Variants in KIAA1755 observed in about 807,000 individuals in gnomAD.
KIAA1755 encodes KIAA1755, also known as uncharacterized protein KIAA1755.
In KIAA1755, 68 loss-of-function variants were observed where a neutral mutation model predicts 91.7. That is an observed-to-expected ratio of 0.74 (90% confidence interval 0.61 to 0.91). The LOEUF is 0.91. Among genes scored for constraint, KIAA1755 ranks in the 40% least tolerant of loss-of-function variants. The pLI, the probability that KIAA1755 is intolerant of heterozygous loss-of-function variation, is 0.00. For synonymous variants in KIAA1755, 610 were observed against 604.6 expected, an observed-to-expected ratio of 1.01 and a Z score of -0.13; for missense variants, 1,535 against 1,494.4, an observed-to-expected ratio of 1.03 and a Z score of -0.45.
chr20:38,248,694 T>A lies in KIAA1755; in HGVS notation c.4-2568A>T, dbSNP rs1254577728. Among the ~76,000 whole-genome samples, 15 of 150,058 alleles carry A rather than the reference T, an allele frequency of 1.0e-4. No homozygotes were observed. The East Asian group carries it at 2.9e-3, about 29-fold the overall frequency. On this transcript the variant is annotated intron_variant, in intron 1 of 13. Transcript: ENST00000279024. ...TCTTGTCTTCTCTTTATTATTATTA[T>A]TATTATTATTATTATTATTTTTGAG... is the stretch of plus-strand genomic sequence containing the variant.
intron 11 of KIAA1755, among the ~76,000 whole-genome samples, chr20:38,219,031 T>C (rs1328610980): frequency 2.6e-5 from 4 of 152,150 alleles, no homozygotes; most frequent in Admixed American, 6.5e-5. Flanking sequence ...CGTACTGATA[T>C]TACCCCCCAT....
Position 38,241,916 on chromosome 20 carries a change from T to C in KIAA1755, c.215A>G (p.His72Arg), listed in dbSNP as rs1600634839. 6.2e-7 allele frequency: 1 copy of C among 1,612,614 alleles called. No individual in the cohort carries two copies. Among genetic ancestry groups the C allele is most frequent in the Non-Finnish European group, 8.5e-7 (1 of 1,179,532 alleles). Residue 72 changes from histidine (H) to arginine (R), a missense_variant, in exon 3 of 14, where the codon CAC (histidine) becomes CGC (arginine). Physicochemically the swap from His to Arg is conservative, Grantham distance 29. Coordinates refer to ENST00000279024, the MANE Select transcript of KIAA1755 (RefSeq NM_001029864.2). ...VREAACAPYS[H>R]CLFLHEGWPL... The stretch of plus-strand genomic sequence containing the variant: ...CCAGCCCTCGTGTAAGAAGAGGCAG[T>C]GTGAGTAGGGAGCCTGTGGAGAGAA...
At chr20:38,246,498 T>C (rs538136162) in intron 1 of KIAA1755, among the ~76,000 whole-genome samples, 12 of 152,244 alleles carry the variant, frequency 7.9e-5, no homozygotes, top group African/African-American at 2.9e-4. Flanking sequence ...GGAAAGAGGA[T>C]TTTGGCATTG....
chr20:38,238,621 C>T (rs2075999765), intron 4 of KIAA1755, among the ~76,000 whole-genome samples: 1 of 152,170 alleles, frequency 6.6e-6, no homozygotes, highest in African/African-American at 2.4e-5. Flanking sequence ...AACTGTCACA[C>T]TTTGTTTACA....
chr20:38,222,747 TC>T (rs1277975549), intron 9 of KIAA1755, 150 bp from the exon 10 acceptor site: 3 of 801,102 alleles, frequency 3.7e-6, no homozygotes, highest in Non-Finnish European at 6.1e-6. Flanking sequence ...AAACATCCCC[TC>T]TAGCCATGTC....
At position 38,211,213 on chromosome 20, in the gene KIAA1755, T is replaced by TA. The variant is rs2075447729; in HGVS notation, c.*1828_*1829insT. On this transcript the variant is annotated 3_prime_UTR_variant, in exon 14 of 14. Transcript: ENST00000279024. The stretch of plus-strand genomic sequence containing the variant: ...TCCTGAAGCCATTTTAGGTATCAAG[T>TA]GTGTGACTCTTGGCTGAGACAGCTC... 1.3e-5 allele frequency: 2 copies of TA among 152,262 alleles called. No individual in the cohort carries two copies. Among genetic ancestry groups the TA allele is most frequent in the African/African-American group, 4.8e-5 (2 of 41,444 alleles). The allele number at this position is 152,262 out of a possible 1,614,324, so 9.4% of individuals were successfully genotyped here.
intron 5 of KIAA1755, 50 bp downstream of exon 5, chr20:38,231,152 C>A (rs1234495001): frequency 1.9e-6 from 3 of 1,571,776 alleles, no homozygotes; most frequent in Middle Eastern, 1.8e-4. Flanking sequence ...GGCTCTGGGC[C>A]CAGAGGGTTG....
intron 1 of KIAA1755, among the ~76,000 whole-genome samples, chr20:38,249,710 G>C (rs2076214459): frequency 6.9e-6 from 1 of 144,038 alleles, no homozygotes; most frequent in Non-Finnish European, 1.5e-5. Context: ...CATGTACCCA[G>C]GAGGTTTTAC....
At chr20:38,228,050 G>T in intron 6 of KIAA1755, 97 bp downstream of exon 6, 1 of 794,148 alleles carries the variant, frequency 1.3e-6, no homozygotes. Context: ...TGAGAGTCCT[G>T]GTCCCAGCCT....
At chr20:38,257,481 T>A (rs2076358138) in intron 1 of KIAA1755, among the ~76,000 whole-genome samples, 1 of 150,764 alleles carries the variant, frequency 6.6e-6, no homozygotes, top group African/African-American at 2.4e-5. Flanking sequence ...CGCAGGAGGC[T>A]GAGGCATGAG....
At chr20:38,213,855 C>T (rs2075497881) in intron 13 of KIAA1755, 112 bp from the exon 14 acceptor site, 2 of 700,474 alleles carry the variant, frequency 2.9e-6, no homozygotes, top group Non-Finnish European at 4.5e-6. Flanking sequence ...CCATGATCTT[C>T]TCCACTGACC....
At chr20:38,227,082 C>A in intron 7 of KIAA1755, 72 bp downstream of exon 7, 2 of 1,138,560 alleles carry the variant, frequency 1.8e-6, no homozygotes, top group Admixed American at 2.1e-5. Context: ...GCAGTTCTCC[C>A]TCTCCTTAAC....
At chr20:38,252,204 G>A (rs2076262438) in intron 1 of KIAA1755, among the ~76,000 whole-genome samples, 1 of 152,154 alleles carries the variant, frequency 6.6e-6, no homozygotes, top group Admixed American at 6.5e-5. Flanking sequence ...ACAGGGTCTT[G>A]GGGAAAGTCA....
intron 9 of KIAA1755, 173 bp from the exon 10 acceptor site, chr20:38,222,770 C>A: frequency 1.5e-6 from 1 of 687,406 alleles, no homozygotes; most frequent in South Asian, 1.7e-5. Context: ...CCTCTCGTCA[C>A]CACGGCAACC....
rs1322594875 is a variant in KIAA1755 at position 38,225,720 on chromosome 20, G to A, written c.2114C>T (p.Ala705Val). The change falls in exon 8 of 14, where the codon GCA becomes GTA. Residue 705 changes from alanine to valine, a missense_variant. Transcript: ENST00000279024. ...GTAGGGGAAGGGGCCTTCCAGGACT[G>A]CGGGCAGCTGGCTGGGGTCCACATG... The part of the protein sequence containing the change: ...SHHVDPSQLP[A>V]VLEGPFPYCH... The A allele has an allele frequency of 6.2e-7, 1 of 1,611,032 alleles. No individual in the cohort carries two copies. The highest frequency in any genetic ancestry group is 8.5e-7 in the Non-Finnish European group (1 of 1,178,706).
rs769758947 is a variant in KIAA1755, at chr20:38,213,363, T to A, written c.3282A>T (p.Pro1094=). The part of the protein sequence containing the change: ...VTSKGRWDQP[P]LDSLGMDHLP... ...AATGGTCCATGCCCAGTGAGTCTAGTGGAGGCTGATCCCACCTCCCCTTGG... is the reference window on the plus strand; with the variant it reads ...AATGGTCCATGCCCAGTGAGTCTAGAGGAGGCTGATCCCACCTCCCCTTGG... Residue 1094 remains proline (P), a synonymous_variant, in exon 14 of 14, where the codon CCA becomes CCT. Coordinates refer to ENST00000279024, the MANE Select transcript of KIAA1755 (RefSeq NM_001029864.2). 3.1e-6 allele frequency: 5 copies of A among 1,606,908 alleles called. No homozygotes were observed. The highest frequency in any genetic ancestry group is 4.3e-6 in the Non-Finnish European group (5 of 1,176,436).
intron 1 of KIAA1755, among the ~76,000 whole-genome samples, chr20:38,254,276 G>A (rs1316841705): frequency 6.6e-6 from 1 of 152,100 alleles, no homozygotes; most frequent in East Asian, 1.9e-4. Context: ...CTCCTTACTT[G>A]GGAAGAGAGG....
intron 4 of KIAA1755, among the ~76,000 whole-genome samples, chr20:38,235,901 G>C (rs1181833020): frequency 6.6e-6 from 1 of 152,154 alleles, no homozygotes; most frequent in African/African-American, 2.4e-5. Flanking sequence ...AAACTTTACG[G>C]GGAGACCTGC....
chr20:38,254,307 A>G (rs896358694), intron 1 of KIAA1755, among the ~76,000 whole-genome samples: 6 of 152,098 alleles, frequency 3.9e-5, no homozygotes, highest in Non-Finnish European at 7.4e-5. Context: ...GCCAAAATGG[A>G]CAGAGTCCTA....
Sources: gnomAD v4.1 joint callset for allele counts (sites outside exome capture counted in the v4.1 genomes callset) on GRCh38, gnomAD v4.1.1 for gene constraint, MANE v1.5 for transcripts, NCBI Gene and HGNC (gene_info 2026-07-23, HGNC 2026-07-21) for gene names.